SEC23A: variants seen among roughly 807,000 people sequenced by gnomAD.
SEC23A encodes SEC23 homolog A, COPII component.
SEC23A carries 56 observed loss-of-function variants against 103.7 expected under a neutral mutation model. That is an observed-to-expected ratio of 0.54 (90% CI 0.44 to 0.67). The LOEUF is 0.67. Among genes scored for constraint, SEC23A ranks in the 30% least tolerant of loss-of-function variants. The pLI is 0.00. For missense variants in SEC23A, 784 were observed against 936.4 expected (o/e 0.84, Z 2.12); for synonymous variants, 281 against 293.0 (o/e 0.96, Z 0.42).
At chr14:39,048,821 T>C (rs530954415) in intron 14 of SEC23A, 92 bp from the exon 15 acceptor site, 1 of 721,454 alleles carries the variant, frequency 1.4e-6, no homozygotes, top group South Asian at 1.6e-5. Context: ...AAGTTACCAA[T>C]CATCAGGAAG....
intron 1 of SEC23A, among the ~76,000 whole-genome samples, chr14:39,098,715 A>G (rs1887978887): frequency 6.6e-6 from 1 of 151,706 alleles, no homozygotes; most frequent in Non-Finnish European, 1.5e-5. Context: ...TGGAGGTTGC[A>G]GTGAGCCGAG....
chr14:39,040,206 A>ATG (rs1410685806), intron 18 of SEC23A: 4 of 153,872 alleles, frequency 2.6e-5, no homozygotes, highest in Admixed American at 2.6e-4. Flanking sequence ...GCAACTGTGT[A>ATG]TGTATGTATA....
intron 2 of SEC23A, chr14:39,094,806 C>A (rs1887830706): frequency 5.8e-6 from 3 of 519,628 alleles, no homozygotes; most frequent in Non-Finnish European, 1.0e-5. Flanking sequence ...AAGAGGGTAA[C>A]AGGGTTAAGG....
At position 39,032,278 on chromosome 14, in the gene SEC23A, C is replaced by T. The variant is rs765982748; in HGVS notation, c.*961G>A. The T allele has an allele frequency of 3.9e-5, 6 of 152,446 alleles. No homozygotes were observed. Among genetic ancestry groups the T allele is most frequent in the Non-Finnish European group, 7.4e-5 (5 of 67,990 alleles). 9.4% of individuals were successfully genotyped at this position (152,446 alleles called of 1,614,324 possible). ...GCATCACATGATATAATTAAGCAAA[C>T]ATTATATAATACTGTTTCAATAAGA... On this transcript the variant is annotated 3_prime_UTR_variant, in exon 20 of 20. Transcript: ENST00000307712.
intron 2 of SEC23A, among the ~76,000 whole-genome samples, chr14:39,094,418 ATATATATATATATATATATATATAT>A (rs1286491551): frequency 1.7e-5 from 1 of 59,268 alleles, no homozygotes; most frequent in African/African-American, 1.4e-4. Context: ...ATATATATAT[ATATATATATATATATATATATATAT>A]TTTTTTTTTT....
intron 2 of SEC23A, among the ~76,000 whole-genome samples, chr14:39,095,360 G>A (rs1887850220): frequency 6.6e-6 from 1 of 151,412 alleles, no homozygotes; most frequent in Non-Finnish European, 1.5e-5. Context: ...ACAGAGGCAC[G>A]ATCTCAGCTC....
At position 39,091,824 on chromosome 14, in the gene SEC23A, A is replaced by G. The variant is rs1435295206; in HGVS notation, c.367-111T>C. 3 of 757,110 alleles carry G rather than the reference A, an allele frequency of 4.0e-6. No homozygotes were observed. In the Admixed American group the frequency reaches 6.3e-5, roughly 16 times the overall value. 46.9% of individuals were successfully genotyped at this position (757,110 alleles called of 1,614,324 possible). The stretch of plus-strand genomic sequence containing the variant: ...AATACAAAAGAATCCTAGTAAAGCC[A>G]TTTCAGAAATGAAACAGGTTATTTC... On this transcript the variant is annotated intron_variant, in intron 4 of 19. Coordinates refer to ENST00000307712, the MANE Select transcript of SEC23A (RefSeq NM_006364.4).
At chr14:39,077,239 A>G (rs78088421) in intron 7 of SEC23A, among the ~76,000 whole-genome samples, 31,271 of 134,862 alleles carry the variant, frequency 0.23, 3,383 homozygotes, top group Non-Finnish European at 0.31. Flanking sequence ...AAAAAAAAAA[A>G]AAAAAAAAAA....
At chr14:39,088,896 C>T (rs528130554) in intron 5 of SEC23A, among the ~76,000 whole-genome samples, 11 of 151,824 alleles carry the variant, frequency 7.2e-5, no homozygotes, top group East Asian at 3.9e-4. Context: ...TGGCCAGGCG[C>T]GGTGGCTCAC....
Position 39,052,314 on chromosome 14 carries a change from GA to G in SEC23A, c.1659+2828del, listed in dbSNP as rs202146335. Among the ~76,000 whole-genome samples the G allele has an allele frequency of 1.2e-3, 173 of 144,266 alleles. 1 individual carries two copies. Among genetic ancestry groups the G allele is most frequent in the East Asian group, 4.8e-3 (24 of 5,014 alleles). The allele number at this position is 144,266 out of a possible 152,430, so 94.6% of individuals were successfully genotyped here. A position where few individuals can be genotyped will look rare whatever the true frequency, so the allele number is the denominator to read the frequency against. ...ACGTGTATGCCTGAACTTAAAAGTTGAAAAAAAAAAATTAAAAAACAATCTC... is the reference window on the plus strand; with the variant it reads ...ACGTGTATGCCTGAACTTAAAAGTTGAAAAAAAAAATTAAAAAACAATCTC... On this transcript the variant is annotated intron_variant, in intron 14 of 19. Coordinates refer to ENST00000307712, the MANE Select transcript of SEC23A (RefSeq NM_006364.4).
intron 16 of SEC23A, among the ~76,000 whole-genome samples, chr14:39,044,076 A>G (rs188358030): frequency 2.3e-3 from 343 of 152,264 alleles, no homozygotes; most frequent in Non-Finnish European, 4.0e-3. Flanking sequence ...ATGTTAATTA[A>G]TAAGAATGAT....
intron 11 of SEC23A, 39 bp from the exon 12 acceptor site, chr14:39,063,452 C>A: frequency 8.0e-7 from 1 of 1,255,410 alleles, no homozygotes; most frequent in South Asian, 1.3e-5. Context: ...AAGCTAGAGA[C>A]ACAATTTATT....
At chr14:39,098,513 C>T (rs953226474) in intron 1 of SEC23A, among the ~76,000 whole-genome samples, 2 of 152,058 alleles carry the variant, frequency 1.3e-5, no homozygotes, top group Admixed American at 6.6e-5. Flanking sequence ...CAGTGGCTCA[C>T]GCCTGTAATC....
In SEC23A at chr14:39,095,549, G is replaced by A. The variant is rs553263004; in HGVS notation, c.221+349C>T. 4.0e-4 allele frequency among the ~76,000 whole-genome samples: 61 copies of A among 152,116 alleles called. 2 individuals are homozygous for A. The South Asian group carries it at 0.012, about 30-fold the overall frequency. On this transcript the variant is annotated intron_variant, in intron 2 of 19. Coordinates refer to ENST00000307712, the MANE Select transcript of SEC23A (RefSeq NM_006364.4). ...CTGACTTCAGGTGATCCACCACCTC[G>A]GCCTCCCAAAGTGCTGGGATTACAG...
intron 1 of SEC23A, among the ~76,000 whole-genome samples, chr14:39,098,144 G>A (rs1887955068): frequency 6.6e-6 from 1 of 152,016 alleles, no homozygotes; most frequent in South Asian, 2.1e-4. Flanking sequence ...TTTGAGAAGG[G>A]TGGTATGAGC....
intron 9 of SEC23A, among the ~76,000 whole-genome samples, chr14:39,069,936 T>G (rs995645542): frequency 1.3e-5 from 2 of 152,240 alleles, no homozygotes; most frequent in Non-Finnish European, 2.9e-5. Context: ...TTCCTGAACT[T>G]TTTTCTTCCC....
At chr14:39,101,102 C>T (rs1030849369) in intron 1 of SEC23A, among the ~76,000 whole-genome samples, 3 of 152,116 alleles carry the variant, frequency 2.0e-5, no homozygotes, top group African/African-American at 7.2e-5. Context: ...CCTCGGCCTC[C>T]CAAAGTGCTG....
intron 7 of SEC23A, among the ~76,000 whole-genome samples, chr14:39,076,696 C>T (rs181613302): frequency 5.7e-4 from 86 of 150,554 alleles, no homozygotes; most frequent in East Asian, 1.2e-3. Flanking sequence ...GAGGCTGAGG[C>T]GGGTGGGTCA....
Position 39,072,892 on chromosome 14 carries a change from G to A in SEC23A, c.1103+1523C>T, listed in dbSNP as rs1439965432. On this transcript the variant is annotated intron_variant, in intron 9 of 19. Coordinates refer to ENST00000307712, the MANE Select transcript of SEC23A (RefSeq NM_006364.4). ...ACTGGAATCCTCATACTTTGGTAAT[G>A]GGAATTTAAATTGGTACAGTTACTT... Among the ~76,000 whole-genome samples the A allele has an allele frequency of 2.0e-5, 3 of 152,274 alleles. 1 individual carries two copies. Among genetic ancestry groups the A allele is most frequent in the South Asian group, 4.1e-4 (2 of 4,822 alleles).
Sources: allele counts gnomAD v4.1 joint callset (sites outside exome capture counted in the v4.1 genomes callset), GRCh38; gene constraint gnomAD v4.1.1; transcripts MANE v1.5; gene names NCBI Gene and HGNC (gene_info 2026-07-23, HGNC 2026-07-21).